The following MARCHF1 variants were observed in gnomAD, a reference collection of about 807,000 sequenced individuals.
The protein encoded by MARCHF1 is E3 ubiquitin-protein ligase MARCHF1.
In MARCHF1, 40 loss-of-function variants were observed where a neutral mutation model predicts 54.2. That is an observed-to-expected ratio of 0.74 (90% CI 0.57 to 0.96). The LOEUF (loss-of-function observed/expected upper bound fraction) is 0.96, where lower values mean the gene tolerates loss of function less well. Ranked by LOEUF, MARCHF1 falls within the 40% of genes least tolerant of loss-of-function variation. MARCHF1 has a pLI of 0.00. For synonymous variants in MARCHF1, 236 were observed against 236.3 expected, an observed-to-expected ratio of 1.00 and a Z score of 0.01; for missense variants, 586 against 656.5, an observed-to-expected ratio of 0.89 and a Z score of 1.17.
chr4:163,796,586 ATATT>A (rs1747923080), intron 4 of MARCHF1, among the ~76,000 whole-genome samples: 2 of 152,164 alleles, frequency 1.3e-5, no homozygotes, highest in South Asian at 2.1e-4. Flanking sequence ...GCACAACACT[ATATT>A]TATTTTTTCA....
chr4:163,998,062 GA>G (rs5863650), intron 2 of MARCHF1, among the ~76,000 whole-genome samples: 144,484 of 150,644 alleles, frequency 0.96, 69,564 homozygotes, highest in East Asian at 1. Flanking sequence ...ATTTCACAGA[GA>G]AAAAAAAATT....
At chr4:164,263,199 G>C (rs1001397416) in intron 1 of MARCHF1, among the ~76,000 whole-genome samples, 3 of 151,958 alleles carry the variant, frequency 2.0e-5, no homozygotes, top group Non-Finnish European at 2.9e-5. Flanking sequence ...GGAAGACTAT[G>C]AAACACTAAG....
At chr4:163,908,376 A>C (rs1449300469) in intron 3 of MARCHF1, among the ~76,000 whole-genome samples, 1 of 152,188 alleles carries the variant, frequency 6.6e-6, no homozygotes, top group Non-Finnish European at 1.5e-5. Context: ...GGAGAAAAAG[A>C]GAGAAGATTT....
At position 164,121,888 on chromosome 4, in the gene MARCHF1, A is replaced by T. The variant is rs537927202; in HGVS notation, c.-322-10226T>A. Among the ~76,000 whole-genome samples the T allele has an allele frequency of 1.8e-3, 66 of 36,106 alleles. No individual in the cohort carries two copies. The East Asian group carries it at 0.031, about 17-fold the overall frequency. The allele number at this position is 36,106 out of a possible 152,430, so 23.7% of individuals were successfully genotyped here. A position where few individuals can be genotyped will look rare whatever the true frequency, so the allele number is the denominator to read the frequency against. Reference sequence around the variant, plus strand: ...TATCAAAACTAGACAAAGACATATTAAAAAAAATGAAACTACAGGCCAATA... The same window carrying T: ...TATCAAAACTAGACAAAGACATATTTAAAAAAATGAAACTACAGGCCAATA... On this transcript the variant is annotated intron_variant, in intron 1 of 9. Transcript: ENST00000514618.
intron 2 of MARCHF1, among the ~76,000 whole-genome samples, chr4:164,018,195 T>C (rs1199335555): frequency 6.6e-6 from 1 of 151,894 alleles, no homozygotes; most frequent in Non-Finnish European, 1.5e-5. Flanking sequence ...TTCAAGACTA[T>C]AAAACTTCTA....
intron 1 of MARCHF1, among the ~76,000 whole-genome samples, chr4:164,349,775 C>A (rs1730224847): frequency 6.6e-6 from 1 of 152,114 alleles, no homozygotes; most frequent in African/African-American, 2.4e-5. Context: ...AAAAATATTT[C>A]TTCAGCACTT....
chr4:164,125,067 C>A (rs1010652478), intron 1 of MARCHF1, among the ~76,000 whole-genome samples: 6 of 151,614 alleles, frequency 4.0e-5, no homozygotes, highest in African/African-American at 1.5e-4. Context: ...ATGTACTCAC[C>A]CACAAAAATT....
At chr4:164,181,191 T>C (rs1730824518) in intron 1 of MARCHF1, among the ~76,000 whole-genome samples, 1 of 152,036 alleles carries the variant, frequency 6.6e-6, no homozygotes, top group Non-Finnish European at 1.5e-5. Context: ...CACAAAACAT[T>C]TGTGTGAACA....
At chr4:163,712,642 T>G (rs1053346261) in intron 4 of MARCHF1, among the ~76,000 whole-genome samples, 2 of 152,206 alleles carry the variant, frequency 1.3e-5, no homozygotes, top group African/African-American at 4.8e-5. Context: ...ATAAATGAGA[T>G]GAAATTTTAA....
chr4:163,586,895 A>G (rs1316156632), intron 7 of MARCHF1, among the ~76,000 whole-genome samples: 1 of 152,222 alleles, frequency 6.6e-6, no homozygotes, highest in Non-Finnish European at 1.5e-5. Flanking sequence ...GCTTGAAAAT[A>G]TTACAGATAT....
intron 8 of MARCHF1, among the ~76,000 whole-genome samples, chr4:163,574,763 C>T (rs1355244062): frequency 8.6e-5 from 13 of 151,914 alleles, no homozygotes; most frequent in African/African-American, 1.2e-4. Flanking sequence ...CCTCCAGCTT[C>T]GTTCTTTTGG....
At position 163,900,339 on chromosome 4, in the gene MARCHF1, CT is replaced by C. The variant is rs778800738; in HGVS notation, c.-38-46171del. 7.9e-3 allele frequency among the ~76,000 whole-genome samples: 1,146 copies of C among 145,564 alleles called. 13 individuals carry two copies. Among genetic ancestry groups the C allele is most frequent in the East Asian group, 0.037 (184 of 4,960 alleles). ...TGTTCCTACCCACAGAGTATAGGTC[CT>C]TTTTTTTTTTTAAAAAAACTCTCCA... On this transcript the variant is annotated intron_variant, in intron 3 of 9. Transcript: ENST00000514618.
intron 8 of MARCHF1, among the ~76,000 whole-genome samples, chr4:163,578,098 T>A (rs80220041): frequency 1.3e-5 from 2 of 151,934 alleles, no homozygotes; most frequent in Non-Finnish European, 2.9e-5. Flanking sequence ...ATATAGATCA[T>A]TGGAATATTG....
chr4:164,312,892 C>T (rs1367812240), intron 1 of MARCHF1, among the ~76,000 whole-genome samples: 1 of 152,046 alleles, frequency 6.6e-6, no homozygotes, highest in East Asian at 1.9e-4. Flanking sequence ...ACTACCAATC[C>T]ACAAACTTCT....
At chr4:163,534,658 G>A (rs1307117504) in intron 9 of MARCHF1, among the ~76,000 whole-genome samples, 3 of 152,062 alleles carry the variant, frequency 2.0e-5, no homozygotes, top group Non-Finnish European at 2.9e-5. Context: ...AGAAACTTTA[G>A]AGTACGAAAA....
intron 2 of MARCHF1, among the ~76,000 whole-genome samples, chr4:164,041,131 C>A (rs1338718617): frequency 6.6e-6 from 1 of 152,052 alleles, no homozygotes; most frequent in Non-Finnish European, 1.5e-5. Flanking sequence ...CAACTAACCC[C>A]ACCTCTCAAT....
intron 1 of MARCHF1, among the ~76,000 whole-genome samples, chr4:164,282,637 G>A (rs561457975): frequency 3.3e-5 from 5 of 151,250 alleles, no homozygotes; most frequent in African/African-American, 1.2e-4. Context: ...CTTTTGGCCA[G>A]AATGCTTTTT....
At chr4:163,653,134 G>A (rs1743024993) in intron 5 of MARCHF1, among the ~76,000 whole-genome samples, 1 of 151,810 alleles carries the variant, frequency 6.6e-6, no homozygotes, top group African/African-American at 2.4e-5. Context: ...CTCTAAAGAG[G>A]CAACTGAAGT....
At chr4:164,266,084 C>A (rs373293478) in intron 1 of MARCHF1, among the ~76,000 whole-genome samples, 5 of 152,282 alleles carry the variant, frequency 3.3e-5, no homozygotes, top group East Asian at 1.9e-4. Context: ...GGGCTGAACA[C>A]ACACTAAATA....
Sources: gnomAD v4.1 joint callset for allele counts (sites outside exome capture counted in the v4.1 genomes callset) on GRCh38, gnomAD v4.1.1 for gene constraint, MANE v1.5 for transcripts, NCBI Gene and HGNC (gene_info 2026-07-23, HGNC 2026-07-21) for gene names.